PPP1R14D: variants seen among roughly 807,000 people sequenced by gnomAD.
The protein encoded by PPP1R14D is protein phosphatase 1 regulatory subunit 14D.
PPP1R14D carries 14 observed loss-of-function variants against 17.1 expected under a neutral mutation model. That is an observed-to-expected ratio of 0.82 (90% CI 0.54 to 1.28). PPP1R14D has a LOEUF of 1.28. Among genes scored for constraint, PPP1R14D ranks in the 50% most tolerant of loss-of-function variants. The pLI is 0.00. For synonymous variants in PPP1R14D, 67 were observed against 66.1 expected (o/e 1.01, Z -0.06); for missense variants, 173 against 179.2 (o/e 0.97, Z 0.20).
intron 1 of PPP1R14D, among the ~76,000 whole-genome samples, chr15:40,820,946 G>C (rs569026206): frequency 6.6e-6 from 1 of 151,976 alleles, no homozygotes; most frequent in South Asian, 2.1e-4. Context: ...GCACTTTGGT[G>C]GGGGTTAAGA....
rs181014007 is a variant in PPP1R14D at position 40,818,611 on chromosome 15, A to C, written c.256-2358T>G. 4.4e-3 allele frequency among the ~76,000 whole-genome samples: 664 copies of C among 151,758 alleles called. 4 individuals are homozygous for C. The highest frequency in any genetic ancestry group is 0.015 in the African/African-American group (631 of 41,046). On this transcript the variant is annotated intron_variant, in intron 1 of 3. Transcript: ENST00000299174. ...GAGACCCTGTCTCAAAAAAAAGAAGAAGCCAACTTAAATACTCTATGATCC... is the reference window on the plus strand; with the variant it reads ...GAGACCCTGTCTCAAAAAAAAGAAGCAGCCAACTTAAATACTCTATGATCC...
chr15:40,828,375 T>C lies in PPP1R14D; in HGVS notation c.255+12A>G. The C allele has an allele frequency of 1.9e-6, 3 of 1,571,538 alleles. No individual in the cohort carries two copies. The highest frequency in any genetic ancestry group is 2.6e-6 in the Non-Finnish European group (3 of 1,158,932). ...GCCCCCATCTCCTCCCACTATCCGC[T>C]GTGCTACCTACCTGGAAGAGCTCCT... On this transcript the variant is annotated intron_variant, in intron 1 of 3. Coordinates refer to ENST00000299174, the MANE Select transcript of PPP1R14D (RefSeq NM_017726.8).
At chr15:40,818,028 C>T (rs192671707) in intron 1 of PPP1R14D, among the ~76,000 whole-genome samples, 126 of 152,226 alleles carry the variant, frequency 8.3e-4, no homozygotes, top group Admixed American at 2.4e-3. Context: ...CGGTGGCACA[C>T]GCCTGTAATC....
intron 1 of PPP1R14D, among the ~76,000 whole-genome samples, chr15:40,825,046 G>T (rs1292612277): frequency 3.3e-5 from 5 of 152,138 alleles, no homozygotes; most frequent in Non-Finnish European, 7.4e-5. Flanking sequence ...CACTTTGGGA[G>T]GCTGAGGCGG....
intron 1 of PPP1R14D, among the ~76,000 whole-genome samples, chr15:40,818,788 T>G (rs567347774): frequency 6.6e-6 from 1 of 152,344 alleles, no homozygotes; most frequent in South Asian, 2.1e-4. Context: ...ATACATGTCA[T>G]GCACATTTGT....
intron 1 of PPP1R14D, among the ~76,000 whole-genome samples, chr15:40,819,872 T>A (rs977206135): frequency 2.6e-5 from 4 of 151,870 alleles, no homozygotes; most frequent in Non-Finnish European, 5.9e-5. Flanking sequence ...TTGCTATTTT[T>A]TTTTTTTTTT....
chr15:40,822,892 G>A (rs919574195), intron 1 of PPP1R14D, among the ~76,000 whole-genome samples: 1 of 151,600 alleles, frequency 6.6e-6, no homozygotes, highest in Non-Finnish European at 1.5e-5. Context: ...TCAACCTCCC[G>A]GGCTCAAGCA....
Position 40,828,526 on chromosome 15 carries a change from G to T in PPP1R14D, c.116C>A (p.Ser39Tyr). 6.2e-7 allele frequency: 1 copy of T among 1,614,210 alleles called. No individual in the cohort carries two copies. The highest frequency in any genetic ancestry group is 8.5e-7 in the Non-Finnish European group (1 of 1,180,040). Residue 39 changes from serine to tyrosine, a missense_variant, in exon 1 of 4, where the codon TCC (serine) becomes TAC (tyrosine). By Grantham distance (144) the Ser-to-Tyr change is moderately radical. Coordinates refer to ENST00000299174, the MANE Select transcript of PPP1R14D (RefSeq NM_017726.8). ...RRRTSSTDSESKSHPDSSKIP... is the reference protein window; with the variant it reads ...RRRTSSTDSEYKSHPDSSKIP... ...CTTGGAGGAGTCCGGGTGGGACTTG[G>T]ACTCTGAGTCTGTGGATGATGTCCT...
chr15:40,825,933 T>C (rs957001335), intron 1 of PPP1R14D, among the ~76,000 whole-genome samples: 23 of 152,246 alleles, frequency 1.5e-4, no homozygotes, highest in African/African-American at 5.5e-4. Context: ...TCCACTTTCA[T>C]CTTGCAAAAC....
chr15:40,819,479 G>C (rs985808605), intron 1 of PPP1R14D, among the ~76,000 whole-genome samples: 1 of 151,074 alleles, frequency 6.6e-6, no homozygotes, highest in Non-Finnish European at 1.5e-5. Context: ...AACTCGGGAA[G>C]TGAGCCAATA....
At chr15:40,821,210 T>C (rs1269561783) in intron 1 of PPP1R14D, among the ~76,000 whole-genome samples, 1 of 151,724 alleles carries the variant, frequency 6.6e-6, no homozygotes, top group Non-Finnish European at 1.5e-5. Flanking sequence ...TGCGCATGCC[T>C]GTAATCCCAG....
At chr15:40,825,275 A>G (rs1890851684) in intron 1 of PPP1R14D, among the ~76,000 whole-genome samples, 1 of 150,266 alleles carries the variant, frequency 6.7e-6, no homozygotes, top group African/African-American at 2.5e-5. Flanking sequence ...ACAAGAGTGA[A>G]ACTCTGTCTC....
chr15:40,821,207 G>T (rs763545951), intron 1 of PPP1R14D, among the ~76,000 whole-genome samples: 4 of 151,524 alleles, frequency 2.6e-5, no homozygotes, highest in African/African-American at 4.9e-5. Context: ...TGGTGCGCAT[G>T]CCTGTAATCC....
rs182399742 is a variant in PPP1R14D at position 40,820,890 on chromosome 15, G to T, written c.256-4637C>A. ...TAAAATAAAAATATAAATAAAGAAA[G>T]AAATAAAAGAACCAGCCAGGCACAG... On this transcript the variant is annotated intron_variant, in intron 1 of 3. Transcript: ENST00000299174. 4.4e-3 allele frequency among the ~76,000 whole-genome samples: 648 copies of T among 147,334 alleles called. 4 individuals carry two copies. The highest frequency in any genetic ancestry group is 0.016 in the African/African-American group (621 of 37,982).
chr15:40,822,015 T>C (rs1312616935), intron 1 of PPP1R14D, among the ~76,000 whole-genome samples: 4 of 152,156 alleles, frequency 2.6e-5, no homozygotes, highest in African/African-American at 9.7e-5. Flanking sequence ...CAGTGGCTTA[T>C]GCCTGTAATC....
At chr15:40,821,043 A>G (rs77250859) in intron 1 of PPP1R14D, among the ~76,000 whole-genome samples, 1 of 8,994 alleles carries the variant, frequency 1.1e-4, no homozygotes, top group South Asian at 6.5e-3. Flanking sequence ...ATAAGAAGAA[A>G]AAAAAAGAAC....
rs1702783298 is a variant in PPP1R14D, at chr15:40,828,500, T to C, written c.142A>G (p.Ile48Val). Residue 48 changes from isoleucine (I) to valine (V), a missense_variant, in exon 1 of 4, where the codon ATA becomes GTA. Transcript: ENST00000299174. Reference protein sequence around the residue: ...ESKSHPDSSKIPRSRRPSRLT... With the variant: ...ESKSHPDSSKVPRSRRPSRLT... The stretch of plus-strand genomic sequence containing the variant: ...CGGCTGGGTCTCCGGGACCTGGGTA[T>C]CTTGGAGGAGTCCGGGTGGGACTTG... The C allele has an allele frequency of 1.2e-6, 2 of 1,614,178 alleles. No homozygotes were observed. Among genetic ancestry groups the C allele is most frequent in the Non-Finnish European group, 1.7e-6 (2 of 1,180,038 alleles).
In PPP1R14D at chr15:40,817,606, A is replaced by G. The variant is rs184222692; in HGVS notation, c.256-1353T>C. Among the ~76,000 whole-genome samples the G allele has an allele frequency of 4.3e-3, 630 of 146,246 alleles. 4 individuals carry two copies. Among genetic ancestry groups the G allele is most frequent in the African/African-American group, 0.015 (600 of 39,806 alleles). On this transcript the variant is annotated intron_variant, in intron 1 of 3. Coordinates refer to ENST00000299174, the MANE Select transcript of PPP1R14D (RefSeq NM_017726.8). The stretch of plus-strand genomic sequence containing the variant: ...AGATAGTTTGGTGGTTTCTTACAAA[A>G]CTAAACTTTTTTTTTTTTTTTTTTT...
chr15:40,818,684 G>A (rs1170142516), intron 1 of PPP1R14D, among the ~76,000 whole-genome samples: 1 of 152,218 alleles, frequency 6.6e-6, no homozygotes, highest in Non-Finnish European at 1.5e-5. Context: ...AAAAAGATCA[G>A]TGATTGCCAC....
Sources: allele counts gnomAD v4.1 joint callset (sites outside exome capture counted in the v4.1 genomes callset), GRCh38; gene constraint gnomAD v4.1.1; transcripts MANE v1.5; gene names NCBI Gene and HGNC (gene_info 2026-07-23, HGNC 2026-07-21).